Variants in TENM3 observed in about 807,000 individuals in gnomAD.
TENM3 encodes the protein teneurin transmembrane protein 3, also known as teneurin-3.
TENM3 carries 63 observed loss-of-function variants against 255.1 expected under a neutral mutation model. That is an observed-to-expected ratio of 0.25 (90% CI 0.20 to 0.30). The LOEUF is 0.30. TENM3 is among the 10% of genes least tolerant of loss of function. The pLI, the probability that TENM3 is intolerant of heterozygous loss-of-function variation, is 1.00. For synonymous variants in TENM3, 1,306 were observed against 1,322.3 expected (o/e 0.99, Z 0.27); for missense variants, 2,929 against 3,461.1 (o/e 0.85, Z 3.86).
At chr4:181,938,453 A>G in the TENM3 span, among the ~76,000 whole-genome samples, 1 of 152,202 alleles carries the variant, frequency 6.6e-6, no homozygotes, top group Non-Finnish European at 1.5e-5. Context: ...ATAATACACA[A>G]CAAGCATATG....
At chr4:181,785,882 C>A in the TENM3 span, among the ~76,000 whole-genome samples, 1 of 152,058 alleles carries the variant, frequency 6.6e-6, no homozygotes, top group South Asian at 2.1e-4. Flanking sequence ...AATAGTCTCA[C>A]AGTGTCTTAA....
chr4:182,440,016 A>C (rs758244500), intron 3 of TENM3, among the ~76,000 whole-genome samples: 2 of 151,524 alleles, frequency 1.3e-5, no homozygotes, highest in Non-Finnish European at 2.9e-5. Flanking sequence ...CTGAAATCTC[A>C]TCTGCTCTCG....
the TENM3 span, among the ~76,000 whole-genome samples, chr4:181,512,607 C>A: frequency 1.4e-4 from 22 of 152,186 alleles, no homozygotes; most frequent in Admixed American, 4.6e-4. Context: ...AATCCCACTT[C>A]GTCGCTAACT....
At chr4:182,021,975 A>G in the TENM3 span, among the ~76,000 whole-genome samples, 17 of 152,178 alleles carry the variant, frequency 1.1e-4, no homozygotes, top group African/African-American at 3.6e-4. Flanking sequence ...TCTGGAAGGC[A>G]GTTTGGAAAT....
At chr4:182,070,956 G>A in the TENM3 span, among the ~76,000 whole-genome samples, 107,858 of 151,900 alleles carry the variant, frequency 0.71, 39,004 homozygotes, top group East Asian at 0.87. Context: ...TGAACTTCAG[G>A]ACTCCTTTTA....
chr4:181,864,643 A>G, the TENM3 span, among the ~76,000 whole-genome samples: 1 of 152,176 alleles, frequency 6.6e-6, no homozygotes, highest in Non-Finnish European at 1.5e-5. Flanking sequence ...TGAGATATGG[A>G]TCAGAGCCAA....
rs371598566 is a variant in TENM3, at chr4:182,541,282, T to C, written c.512-59642T>C. Among the ~76,000 whole-genome samples the C allele has an allele frequency of 2.0e-4, 31 of 152,324 alleles. No homozygotes were observed. In the East Asian group the frequency reaches 5.4e-3, roughly 27 times the overall value. ...CTTATGGGTTTGCAATTTTGGACTT[T>C]ATCCTAAGCCATAGAAAGTGATTCT... On this transcript the variant is annotated intron_variant, in intron 3 of 27. Coordinates refer to ENST00000511685, the MANE Select transcript of TENM3 (RefSeq NM_001080477.4).
At chr4:181,877,600 G>A in the TENM3 span, among the ~76,000 whole-genome samples, 2 of 152,078 alleles carry the variant, frequency 1.3e-5, no homozygotes, top group South Asian at 2.1e-4. Flanking sequence ...CAAATCCCAA[G>A]GCATAGCAGC....
At chr4:182,500,779 G>C (rs922863627) in intron 3 of TENM3, among the ~76,000 whole-genome samples, 2 of 152,052 alleles carry the variant, frequency 1.3e-5, no homozygotes, top group African/African-American at 4.8e-5. Context: ...CAGGATAGAG[G>C]ATTGATTAAA....
chr4:182,024,106 T>C, the TENM3 span, among the ~76,000 whole-genome samples: 1 of 151,034 alleles, frequency 6.6e-6, no homozygotes, highest in Non-Finnish European at 1.5e-5. Context: ...AATATAGATT[T>C]GGGGGAAAAA....
chr4:181,725,038 C>G, the TENM3 span, among the ~76,000 whole-genome samples: 1 of 152,184 alleles, frequency 6.6e-6, no homozygotes, highest in Non-Finnish European at 1.5e-5. Context: ...TCCTCCCAGT[C>G]TGGAATTCCT....
the TENM3 span, among the ~76,000 whole-genome samples, chr4:181,464,110 C>T: frequency 2.6e-5 from 4 of 152,164 alleles, no homozygotes; most frequent in African/African-American, 9.7e-5. Flanking sequence ...CTACTATGAA[C>T]ATTTGTGTAC....
chr4:181,496,746 A>G, the TENM3 span, among the ~76,000 whole-genome samples: 1 of 152,206 alleles, frequency 6.6e-6, no homozygotes, highest in Admixed American at 6.5e-5. Flanking sequence ...TGAATTAATA[A>G]TAATGGGACC....
the TENM3 span, among the ~76,000 whole-genome samples, chr4:182,071,522 T>C: frequency 2.6e-5 from 4 of 151,208 alleles, no homozygotes. Context: ...CTCGGCTCGC[T>C]GCAACCTCCA....
chr4:181,721,134 G>A, the TENM3 span, among the ~76,000 whole-genome samples: 331 of 152,078 alleles, frequency 2.2e-3, 1 homozygote, highest in Non-Finnish European at 3.9e-3. Context: ...CATTCCGGGA[G>A]GGGGGAACAT....
At chr4:181,987,802 T>A in the TENM3 span, among the ~76,000 whole-genome samples, 1 of 151,952 alleles carries the variant, frequency 6.6e-6, no homozygotes, top group Admixed American at 6.6e-5. Flanking sequence ...ATCTTTTCTT[T>A]CTGGATGAGT....
intron 12 of TENM3, chr4:182,698,017 A>G (rs1757559364): frequency 6.6e-6 from 1 of 152,004 alleles, no homozygotes; most frequent in African/African-American, 2.4e-5. Context: ...ACATACACCA[A>G]TTTCATCAAA....
chr4:182,169,920 A>G (rs1751987856), intron 1 of TENM3, among the ~76,000 whole-genome samples: 1 of 151,892 alleles, frequency 6.6e-6, no homozygotes, highest in African/African-American at 2.4e-5. Context: ...GAAAGTAAAC[A>G]TTTTTTATAA....
intron 3 of TENM3, among the ~76,000 whole-genome samples, chr4:182,499,002 T>C (rs1288717021): frequency 2.0e-5 from 3 of 152,252 alleles, no homozygotes; most frequent in African/African-American, 7.2e-5. Flanking sequence ...TCTTAAGTTA[T>C]ATCAAGTATT....
Sources: allele counts gnomAD v4.1 joint callset (sites outside exome capture counted in the v4.1 genomes callset), GRCh38; gene constraint gnomAD v4.1.1; transcripts MANE v1.5; gene names NCBI Gene and HGNC (gene_info 2026-07-23, HGNC 2026-07-21).